The following LARS2 variants were observed in gnomAD, a reference collection of about 807,000 sequenced individuals.
The protein encoded by LARS2 is leucine--tRNA ligase, mitochondrial.
In LARS2, 81 loss-of-function variants were observed where a neutral mutation model predicts 116.6. The ratio of observed to expected loss-of-function variants is 0.69; its 90% CI spans 0.58 to 0.84. The LOEUF (loss-of-function observed/expected upper bound fraction) is 0.84. LARS2 is among the 40% of genes least tolerant of loss of function. The probability of loss-of-function intolerance (pLI) is 0.00; values close to 1 mark genes in which losing one functional copy is unlikely to be tolerated. For missense variants in LARS2, 968 were observed against 1,114.5 expected (o/e 0.87, Z 1.87); for synonymous variants, 396 against 407.2 (o/e 0.97, Z 0.33).
intron 6 of LARS2, among the ~76,000 whole-genome samples, chr3:45,424,382 G>T (rs1039179760): frequency 6.6e-6 from 1 of 152,166 alleles, no homozygotes; most frequent in Admixed American, 6.5e-5. Flanking sequence ...AGTGAATATT[G>T]AATGTTGAAT....
intron 21 of LARS2, 78 bp from the exon 22 acceptor site, chr3:45,547,273 G>A: frequency 1.5e-6 from 2 of 1,312,404 alleles, no homozygotes; most frequent in Non-Finnish European, 2.1e-6. Flanking sequence ...GCCCTTTACA[G>A]GCAGGAGGTT....
intron 17 of LARS2, 29 bp downstream of exon 17, chr3:45,516,305 T>G: frequency 1.2e-6 from 2 of 1,601,622 alleles, no homozygotes; most frequent in South Asian, 2.2e-5. Context: ...CCTGACTTGC[T>G]TCCTTTGTGA....
At chr3:45,467,275 A>C (rs141662710) in intron 8 of LARS2, among the ~76,000 whole-genome samples, 26 of 152,298 alleles carry the variant, frequency 1.7e-4, no homozygotes, top group African/African-American at 5.5e-4. Context: ...TAACAGATAC[A>C]TACATGTCAA....
In LARS2 at chr3:45,518,086, C is replaced by T. The variant is rs1415444720; in HGVS notation, c.2214+14C>T. 1.2e-6 allele frequency: 2 copies of T among 1,601,744 alleles called. No homozygotes were observed. Among genetic ancestry groups the T allele is most frequent in the Non-Finnish European group, 1.7e-6 (2 of 1,171,964 alleles). ...GTCATCTCTCAGGTCAGAAACTCTC[C>T]AATTCCAGGGGTTAACTCTGTAACC... On this transcript the variant is annotated intron_variant, in intron 18 of 21. Transcript: ENST00000645846.
intron 4 of LARS2, 86 bp from the exon 5 acceptor site, chr3:45,417,396 A>T (rs1188767130): frequency 1.0e-6 from 1 of 978,074 alleles, no homozygotes; most frequent in African/African-American, 1.6e-5. Flanking sequence ...TGTTAGCAGG[A>T]GAGAGTGCTG....
chr3:45,486,623 C>T (rs548083452), intron 11 of LARS2, among the ~76,000 whole-genome samples: 3 of 152,258 alleles, frequency 2.0e-5, no homozygotes, highest in East Asian at 1.9e-4. Context: ...CCCCTCATAA[C>T]GCTCAGATCA....
intron 8 of LARS2, among the ~76,000 whole-genome samples, chr3:45,462,866 G>A (rs1699356531): frequency 6.6e-6 from 1 of 152,198 alleles, no homozygotes; most frequent in South Asian, 2.1e-4. Flanking sequence ...GCAAGATAAA[G>A]ATGCTTTATT....
chr3:45,497,611 A>T (rs938151872), intron 14 of LARS2, among the ~76,000 whole-genome samples: 2 of 152,206 alleles, frequency 1.3e-5, no homozygotes, highest in Non-Finnish European at 2.9e-5. Flanking sequence ...CATATCAGAT[A>T]TAAGGGGGAT....
At chr3:45,518,364 G>T (rs1351848911) in intron 18 of LARS2, among the ~76,000 whole-genome samples, 1 of 152,122 alleles carries the variant, frequency 6.6e-6, no homozygotes. Flanking sequence ...CACTTTCCAT[G>T]TTTCCACATT....
chr3:45,496,628 C>T (rs1240125960), intron 14 of LARS2, among the ~76,000 whole-genome samples: 2 of 152,198 alleles, frequency 1.3e-5, no homozygotes, highest in East Asian at 1.9e-4. Context: ...GAGAAAGCCT[C>T]GACCTGGCCA....
rs190748232 is a variant in LARS2, at chr3:45,410,862, C to T, written c.364-6620C>T. ...GGATGGGTTTTTAAGATTGGCAGTT[C>T]GTACTAACACTATATTAAGTTGGAC... On this transcript the variant is annotated intron_variant, in intron 4 of 21. Transcript: ENST00000645846. 1.4e-4 allele frequency among the ~76,000 whole-genome samples: 21 copies of T among 152,206 alleles called. No homozygotes were observed. The East Asian group carries it at 1.9e-3, about 14-fold the overall frequency.
At chr3:45,520,775 C>T (rs957053693) in intron 19 of LARS2, among the ~76,000 whole-genome samples, 2 of 152,324 alleles carry the variant, frequency 1.3e-5, no homozygotes, top group Admixed American at 1.3e-4. Context: ...AGTGTGACTA[C>T]CATTTTTCTT....
chr3:45,420,878 G>A (rs1309244640), intron 6 of LARS2, among the ~76,000 whole-genome samples: 1 of 152,200 alleles, frequency 6.6e-6, no homozygotes, highest in African/African-American at 2.4e-5. Context: ...AATCATCACA[G>A]AGGATTAGAA....
chr3:45,403,317 T>C (rs1358904821), intron 4 of LARS2, among the ~76,000 whole-genome samples: 1 of 151,976 alleles, frequency 6.6e-6, no homozygotes, highest in Non-Finnish European at 1.5e-5. Flanking sequence ...AATTAAGCTT[T>C]TTTTTGTTTG....
chr3:45,545,607 GT>G (rs991767183), intron 21 of LARS2, among the ~76,000 whole-genome samples: 5 of 152,214 alleles, frequency 3.3e-5, no homozygotes, highest in Admixed American at 3.3e-4. Context: ...CCAGAACCGT[GT>G]GAGGGTGCCC....
At chr3:45,431,668 C>T (rs1481290856) in intron 6 of LARS2, among the ~76,000 whole-genome samples, 1 of 144,822 alleles carries the variant, frequency 6.9e-6, no homozygotes, top group African/African-American at 2.6e-5. Flanking sequence ...ATAGAATATA[C>T]ACAGAAGGAA....
rs1295259726 is a variant in LARS2 at position 45,394,485 on chromosome 3, A to C, written c.32A>C (p.Tyr11Ser). The C allele has an allele frequency of 6.2e-7, 1 of 1,614,056 alleles. No individual in the cohort carries two copies. The highest frequency in any genetic ancestry group is 8.5e-7 in the Non-Finnish European group (1 of 1,179,984). ...TCTGTTTGGCAGAGATTGGGTTTTT[A>C]TGCCTCTCTTCTGAAAAGACAGCTA... MASVWQRLGF[Y>S]ASLLKRQLNG... The change falls in exon 3 of 22, where the codon TAT (tyrosine) becomes TCT (serine). Residue 11 changes from tyrosine to serine, a missense_variant. Tyr to Ser is a moderately radical substitution (Grantham distance 144). Transcript: ENST00000645846.
intron 1 of LARS2, among the ~76,000 whole-genome samples, chr3:45,390,335 C>T (rs1575223209): frequency 6.6e-6 from 1 of 151,440 alleles, no homozygotes; most frequent in South Asian, 2.1e-4. Context: ...TTTTTTGAGA[C>T]GGAGTCTTGC....
chr3:45,491,968 G>A (rs1026016446), intron 13 of LARS2, among the ~76,000 whole-genome samples, 168 bp downstream of exon 13: 1 of 152,216 alleles, frequency 6.6e-6, no homozygotes, highest in East Asian at 1.9e-4. Flanking sequence ...AGAAGGGTCT[G>A]GAATCTGTGG....
Sources: allele counts gnomAD v4.1 joint callset (sites outside exome capture counted in the v4.1 genomes callset), GRCh38; gene constraint gnomAD v4.1.1; transcripts MANE v1.5; gene names NCBI Gene and HGNC (gene_info 2026-07-23, HGNC 2026-07-21).